Variants in CAPN15 observed in about 807,000 individuals in gnomAD.
The protein encoded by CAPN15 is calpain-15.
A neutral mutation model predicts 97.9 loss-of-function variants in CAPN15; 53 were observed. The ratio of observed to expected loss-of-function variants is 0.54; its 90% CI spans 0.43 to 0.68. CAPN15 has a LOEUF of 0.68. CAPN15 is among the 30% of genes least tolerant of loss of function. CAPN15 has a pLI of 0.00. For missense variants in CAPN15, 1,592 were observed against 1,589.8 expected (o/e 1.00, Z -0.02); for synonymous variants, 922 against 722.5 (o/e 1.28, Z -4.43).
rs537309077 is a variant in CAPN15 at position 542,224 on chromosome 16, C to T, written c.-22-4593C>T. Among the ~76,000 whole-genome samples, 3 of 152,368 alleles carry T rather than the reference C, an allele frequency of 2.0e-5. No homozygotes were observed. The South Asian group carries it at 6.2e-4, about 32-fold the overall frequency. On this transcript the variant is annotated intron_variant, in intron 3 of 13. Transcript: ENST00000219611. ...CGCTAGGACTGCTTCCACGTGGCTT[C>T]TGTGGACAATGCTGTGAACATTGTT...
intron 1 of CAPN15, among the ~76,000 whole-genome samples, chr16:531,175 A>T (rs935516552): frequency 6.6e-6 from 1 of 152,206 alleles, no homozygotes; most frequent in Non-Finnish European, 1.5e-5. Context: ...CTTCTCTTCA[A>T]AAAGTTGCCC....
chr16:547,061 CCTGGGG>C lies in CAPN15; in HGVS notation c.227_232del (p.Gly76_Ala77del), dbSNP rs768932754. On this transcript the variant is annotated inframe_deletion, in exon 4 of 14. Transcript: ENST00000219611. ...GTGCGGCTTCACCCCGGAGCCTGCG[CCTGGGG>C]CTGCCTTCCTGCCAGTCCTCAACGG... 3 of 1,602,396 alleles carry C rather than the reference CCTGGGG, an allele frequency of 1.9e-6. No homozygotes were observed. In the Admixed American group the frequency reaches 5.1e-5, roughly 27 times the overall value.
chr16:553,798 G>A lies in CAPN15; in HGVS notation c.*282G>A, dbSNP rs868168911. The A allele has an allele frequency of 1.4e-4, 46 of 338,750 alleles. No individual in the cohort carries two copies. Among genetic ancestry groups the A allele is most frequent in the Middle Eastern group, 7.6e-4 (1 of 1,318 alleles). 21.0% of individuals were successfully genotyped at this position (338,750 alleles called of 1,614,324 possible). A position where few individuals can be genotyped will look rare whatever the true frequency, so the allele number is the denominator to read the frequency against. On this transcript the variant is annotated 3_prime_UTR_variant, in exon 14 of 14. Transcript: ENST00000219611. ...TCACCTGCCAGCCCCAACACCCGAC[G>A]GGGGCCGAGGCCAGGCTGCCCCTCC... is the stretch of plus-strand genomic sequence containing the variant.
In CAPN15 at chr16:527,759, C is replaced by A. The variant is rs1379855312; in HGVS notation, c.-460C>A. 1 of 149,976 alleles carries A rather than the reference C, an allele frequency of 6.7e-6. No individual in the cohort carries two copies. Among genetic ancestry groups the A allele is most frequent in the Non-Finnish European group, 1.5e-5 (1 of 67,188 alleles). The allele number at this position is 149,976 out of a possible 1,614,324, so 9.3% of individuals were successfully genotyped here. ...AGCGCCGCGTGCGCCCCGGGCGCGC[C>A]GTAGCCGCGGGGCCCGGGCCGGGCG... On this transcript the variant is annotated 5_prime_UTR_variant, in exon 1 of 14. Coordinates refer to ENST00000219611, the MANE Select transcript of CAPN15 (RefSeq NM_005632.3).
intron 1 of CAPN15, among the ~76,000 whole-genome samples, chr16:531,348 C>T (rs1336938904): frequency 2.0e-5 from 3 of 152,186 alleles, no homozygotes; most frequent in African/African-American, 7.2e-5. Context: ...CAGGTGGGCG[C>T]CACCACACCC....
chr16:543,009 C>CGT (rs1567143914), intron 3 of CAPN15, among the ~76,000 whole-genome samples: 2 of 152,074 alleles, frequency 1.3e-5, no homozygotes, highest in East Asian at 3.9e-4. Context: ...CAAGATTGCA[C>CGT]CACTGCACTC....
At chr16:546,165 G>T (rs553500811) in intron 3 of CAPN15, among the ~76,000 whole-genome samples, 1 of 152,254 alleles carries the variant, frequency 6.6e-6, no homozygotes, top group East Asian at 1.9e-4. Flanking sequence ...CACGGAGTTC[G>T]CTCGGCTCCA....
rs914857441 is a variant in CAPN15 at position 540,054 on chromosome 16, C to T, written c.-23+3912C>T. The T allele has an allele frequency of 1.3e-5, 13 of 982,586 alleles. No homozygotes were observed. In the Admixed American group the frequency reaches 8.0e-4, roughly 60 times the overall value. 60.9% of individuals were successfully genotyped at this position (982,586 alleles called of 1,614,324 possible). A position where few individuals can be genotyped will look rare whatever the true frequency, so the allele number is the denominator to read the frequency against. On this transcript the variant is annotated intron_variant, in intron 3 of 13. Transcript: ENST00000219611. ...ATGCTGTTTCTTCTCTATTTTCTCT[C>T]TCTGTCTGTTTATTTTTGTTGTGTG...
chr16:528,278 A>G (rs1383917865), intron 1 of CAPN15, among the ~76,000 whole-genome samples: 1 of 151,962 alleles, frequency 6.6e-6, no homozygotes, highest in Admixed American at 6.5e-5. Context: ...ACCCAGAGGA[A>G]GGCGGGAAGT....
Position 535,041 on chromosome 16 carries a change from G to A in CAPN15, c.-136-988G>A, listed in dbSNP as rs1448229048. 1.3e-5 allele frequency among the ~76,000 whole-genome samples: 2 copies of A among 152,154 alleles called. No homozygotes were observed. The highest frequency in any genetic ancestry group is 4.8e-5 in the African/African-American group (2 of 41,420). ...GTGTATGCGGAGTGGACACAGCTGT[G>A]GGTGCCGCCCGCGCAAGGCTGGGGG... On this transcript the variant is annotated intron_variant, in intron 2 of 13. Coordinates refer to ENST00000219611, the MANE Select transcript of CAPN15 (RefSeq NM_005632.3). This position sits in a 1 kb window ranked among gnomAD's most constrained non-coding sequence, Gnocchi z 6.2.
rs1350975135 is a variant in CAPN15, at chr16:551,555, G to A, written c.2236G>A (p.Gly746Ser). ...RNPWGRFSWNGSWSDEWPHWP... is the reference protein window; with the variant it reads ...RNPWGRFSWNSSWSDEWPHWP... ...CCCGTGGGGCCGTTTCTCCTGGAAC[G>A]GCAGCTGGTCCGACGAGTGGCCACA... The change falls in exon 9 of 14, where the codon GGC (glycine) becomes AGC (serine). Residue 746 changes from glycine (G) to serine (S), a missense_variant. Gly to Ser is a moderately conservative substitution (Grantham distance 56). This residue lies in a region of CAPN15 where 644 missense variants were observed against 699.6 expected (regional missense o/e 0.92). Transcript: ENST00000219611. The A allele has an allele frequency of 3.7e-6, 6 of 1,611,734 alleles. No homozygotes were observed. Among genetic ancestry groups the A allele is most frequent in the Admixed American group, 1.7e-5 (1 of 60,008 alleles).
chr16:549,483 T>C lies in CAPN15; in HGVS notation c.1842+12T>C, dbSNP rs1199295947. ...TCCTCTTCTCACAGGTGGGGCGGCCTGCAGGGTGGGCACGGGCGGCAGGGG... is the reference window on the plus strand; with the variant it reads ...TCCTCTTCTCACAGGTGGGGCGGCCCGCAGGGTGGGCACGGGCGGCAGGGG... On this transcript the variant is annotated intron_variant, in intron 6 of 13. Coordinates refer to ENST00000219611, the MANE Select transcript of CAPN15 (RefSeq NM_005632.3). 6 of 1,571,120 alleles carry C rather than the reference T, an allele frequency of 3.8e-6. No individual in the cohort carries two copies. Among genetic ancestry groups the C allele is most frequent in the Non-Finnish European group, 4.3e-6 (5 of 1,165,096 alleles).
chr16:549,558 C>T (rs2034843244), intron 6 of CAPN15, 57 bp from the exon 7 acceptor site: 3 of 1,486,982 alleles, frequency 2.0e-6, no homozygotes, highest in African/African-American at 1.4e-5. Context: ...TCCTCTTCTC[C>T]CAGGGCGGGT....
rs1259377866 is a variant in CAPN15 at position 546,874 on chromosome 16, C to T, written c.36C>T (p.Cys12=). ...TCGGAGAGTGGTCCTGTGTGCGCTG[C>T]ACCTTCCTGAACCCGGCCGGCCAGC... The part of the protein sequence containing the change: ...ATVGEWSCVR[C]TFLNPAGQRQ... Residue 12 remains cysteine (C), a synonymous_variant, in exon 4 of 14, where the codon TGC becomes TGT. Coordinates refer to ENST00000219611, the MANE Select transcript of CAPN15 (RefSeq NM_005632.3). The T allele has an allele frequency of 6.2e-7, 1 of 1,611,524 alleles. No individual in the cohort carries two copies. The highest frequency in any genetic ancestry group is 2.2e-5 in the East Asian group (1 of 44,868).
At chr16:536,941 A>T in intron 3 of CAPN15, 1 of 163,598 alleles carries the variant, frequency 6.1e-6, no homozygotes, top group Non-Finnish European at 1.3e-5. Flanking sequence ...CTTGCTCCTT[A>T]GTGGGCCTCG....
At position 551,383 on chromosome 16, in the gene CAPN15, G is replaced by T. The variant is rs753513366; in HGVS notation, c.2148G>T (p.Arg716=). Residue 716 remains arginine, a synonymous_variant, in exon 8 of 14, where the codon CGG becomes CGT. Transcript: ENST00000219611. ...SAYESLGLRP[R]HAYSILDVRD... ...ACGAGAGCCTGGGCCTGCGCCCCCG[G>T]CATGCCTACTCCATCCTGGATGTCC... 1 of 1,610,458 alleles carries T rather than the reference G, an allele frequency of 6.2e-7. No individual in the cohort carries two copies. The highest frequency in any genetic ancestry group is 8.5e-7 in the Non-Finnish European group (1 of 1,178,840).
Position 549,103 on chromosome 16 carries a change from G to A in CAPN15, c.1560G>A (p.Glu520=). The change falls in exon 5 of 14, where the codon GAG becomes GAA. Residue 520 remains glutamate (E), a synonymous_variant. Coordinates refer to ENST00000219611, the MANE Select transcript of CAPN15 (RefSeq NM_005632.3). ...QRVRQWLRPQ[E]INCSVFRDHR... Reference sequence around the variant, plus strand: ...TGAGGCAGTGGCTGCGACCCCAGGAGATCAACTGCTCCGTCTTCAGGGACC... The same window carrying A: ...TGAGGCAGTGGCTGCGACCCCAGGAAATCAACTGCTCCGTCTTCAGGGACC... 2 of 1,612,552 alleles carry A rather than the reference G, an allele frequency of 1.2e-6. No homozygotes were observed. Among genetic ancestry groups the A allele is most frequent in the Non-Finnish European group, 8.5e-7 (1 of 1,179,958 alleles).
Position 552,554 on chromosome 16 carries a change from C to T in CAPN15, c.2737+24C>T, listed in dbSNP as rs1295719775. 4.4e-6 allele frequency: 7 copies of T among 1,580,046 alleles called. No individual in the cohort carries two copies. The East Asian group carries it at 1.6e-4, about 36-fold the overall frequency. ...GGGTACGTGGCCCCTACCCCAGGCT[C>T]ATGCCCCAGGCCCACGGGGAGGGCT... On this transcript the variant is annotated intron_variant, in intron 11 of 13. Coordinates refer to ENST00000219611, the MANE Select transcript of CAPN15 (RefSeq NM_005632.3). The surrounding 1 kb of genome is among the most constrained non-coding windows in gnomAD (Gnocchi z 6.4).
intron 3 of CAPN15, among the ~76,000 whole-genome samples, chr16:544,735 C>CGT (rs1349466343): frequency 6.3e-5 from 3 of 47,452 alleles, no homozygotes; most frequent in South Asian, 1.3e-3. Context: ...CCCCACGTCG[C>CGT]CTCCCCCACG....
Sources: allele counts gnomAD v4.1 joint callset (sites outside exome capture counted in the v4.1 genomes callset), GRCh38; gene constraint gnomAD v4.1.1; regional missense constraint gnomAD v4.1.1; non-coding constraint Gnocchi (gnomAD v3.1); transcripts MANE v1.5; gene names NCBI Gene and HGNC (gene_info 2026-07-23, HGNC 2026-07-21).